XPR1: variants seen among roughly 807,000 people sequenced by gnomAD.
XPR1 encodes the protein solute carrier family 53 member 1.
In XPR1, 28 loss-of-function variants were observed where a neutral mutation model predicts 87.5. That is an observed-to-expected ratio of 0.32 (90% CI 0.24 to 0.44). The LOEUF is 0.44. Among genes scored for constraint, XPR1 ranks in the 20% least tolerant of loss-of-function variants. The pLI is 1.00. For synonymous variants in XPR1, 300 were observed against 306.1 expected, an observed-to-expected ratio of 0.98 and a Z score of 0.21; for missense variants, 559 against 862.3, an observed-to-expected ratio of 0.65 and a Z score of 4.41.
At chr1:180,741,069 C>G (rs1471118281) in intron 2 of XPR1, among the ~76,000 whole-genome samples, 2 of 152,338 alleles carry the variant, frequency 1.3e-5, no homozygotes, top group Admixed American at 1.3e-4. Context: ...CACATTCAAT[C>G]TATAATACCT....
chr1:180,803,373 T>G lies in XPR1; in HGVS notation c.224-15T>G, dbSNP rs760331751. The G allele has an allele frequency of 6.2e-7, 1 of 1,610,986 alleles. No individual in the cohort carries two copies. The highest frequency in any genetic ancestry group is 8.5e-7 in the Non-Finnish European group (1 of 1,178,548). On this transcript the variant is annotated splice_polypyrimidine_tract_variant and intron_variant, in intron 3 of 14. Transcript: ENST00000367590. ...TTATCTTACTGATTTGACAGTTCCG[T>G]TCTATTTCTTATAGAGAAGCTCGCA...
chr1:180,851,026 C>G (rs1397945069), intron 11 of XPR1, among the ~76,000 whole-genome samples: 1 of 150,864 alleles, frequency 6.6e-6, no homozygotes, highest in Non-Finnish European at 1.5e-5. Flanking sequence ...TAGTTGTTAG[C>G]ATTTCATTTA....
intron 2 of XPR1, among the ~76,000 whole-genome samples, chr1:180,769,688 A>G (rs1330341694): frequency 6.6e-6 from 1 of 152,138 alleles, no homozygotes; most frequent in Non-Finnish European, 1.5e-5. Context: ...CTGTCAATGG[A>G]CATTTAGGTT....
chr1:180,637,047 T>C (rs1654803467), intron 1 of XPR1, among the ~76,000 whole-genome samples: 2 of 62,844 alleles, frequency 3.2e-5, no homozygotes, highest in African/African-American at 1.5e-4. Context: ...TAAGACTTCA[T>C]CTCAAAAAAA....
rs1651824806 is a variant in XPR1 at position 180,850,316 on chromosome 1, G to T, written c.1502-13392G>T. Among the ~76,000 whole-genome samples, 4 of 152,240 alleles carry T rather than the reference G, an allele frequency of 2.6e-5. No homozygotes were observed. The South Asian group carries it at 8.3e-4, about 32-fold the overall frequency. ...TGGCAGGCTGTATGAAGAAAACGTG[G>T]AAGAGATTTTGGCTTTCCTTCTCTC... On this transcript the variant is annotated intron_variant, in intron 11 of 14. Transcript: ENST00000367590.
At position 180,632,030 on chromosome 1, in the gene XPR1, G is replaced by A. The variant is rs999700564; in HGVS notation, c.-172G>A. 5.6e-6 allele frequency: 4 copies of A among 718,458 alleles called. No individual in the cohort carries two copies. The highest frequency in any genetic ancestry group is 5.2e-5 in the African/African-American group (3 of 57,246). The allele number at this position is 718,458 out of a possible 1,614,324, so 44.5% of individuals were successfully genotyped here. A position where few individuals can be genotyped will look rare whatever the true frequency, so the allele number is the denominator to read the frequency against. ...CGGGGAGGGGCGGGGCTATGGAGAG[G>A]AGGAGGAAGATGGCGGGCGGGCTGC... On this transcript the variant is annotated 5_prime_UTR_variant, in exon 1 of 15. Coordinates refer to ENST00000367590, the MANE Select transcript of XPR1 (RefSeq NM_004736.4).
chr1:180,818,334 T>A (rs1650488518), intron 7 of XPR1, among the ~76,000 whole-genome samples: 1 of 151,962 alleles, frequency 6.6e-6, no homozygotes, highest in African/African-American at 2.4e-5. Context: ...TGGGTTTTTT[T>A]TTTTTTTTTA....
chr1:180,706,654 C>T (rs191017996), intron 2 of XPR1, among the ~76,000 whole-genome samples: 33 of 152,194 alleles, frequency 2.2e-4, no homozygotes, highest in African/African-American at 7.0e-4. Context: ...CACTGTCACC[C>T]AGGCTGGAGT....
At chr1:180,706,981 T>C (rs879312183) in intron 2 of XPR1, among the ~76,000 whole-genome samples, 1 of 152,136 alleles carries the variant, frequency 6.6e-6, no homozygotes, top group Admixed American at 6.5e-5. Context: ...TAAAGTAATA[T>C]TTTGGCATAT....
At chr1:180,743,547 T>A (rs990002460) in intron 2 of XPR1, among the ~76,000 whole-genome samples, 1 of 151,964 alleles carries the variant, frequency 6.6e-6, no homozygotes, top group Non-Finnish European at 1.5e-5. Flanking sequence ...GAATAGTTCA[T>A]TATATATATA....
Position 180,873,943 on chromosome 1 carries a change from G to A in XPR1, c.1808+1G>A. 6.2e-7 allele frequency: 1 copy of A among 1,611,498 alleles called. No homozygotes were observed. Among genetic ancestry groups the A allele is most frequent in the Non-Finnish European group, 8.5e-7 (1 of 1,179,136 alleles). ...TCTTTGCCCCACTTGAGGTTTTCCG[G>A]TAAGCAAACTACTGAAAAGTTTATT... On this transcript the variant is annotated splice_donor_variant, in intron 13 of 14. Transcript: ENST00000367590. LOFTEE classifies it high-confidence loss of function.
At chr1:180,837,888 T>A (rs1651357968) in intron 11 of XPR1, among the ~76,000 whole-genome samples, 2 of 152,188 alleles carry the variant, frequency 1.3e-5, no homozygotes, top group Non-Finnish European at 2.9e-5. Flanking sequence ...ATGACTCCAT[T>A]TACTAAGTTA....
chr1:180,761,791 A>G (rs1648042367), intron 2 of XPR1, among the ~76,000 whole-genome samples: 1 of 152,212 alleles, frequency 6.6e-6, no homozygotes, highest in African/African-American at 2.4e-5. Context: ...AAAGGATTAT[A>G]AATCATGCTG....
At chr1:180,686,752 TTA>T (rs1310524879) in intron 2 of XPR1, among the ~76,000 whole-genome samples, 4 of 152,342 alleles carry the variant, frequency 2.6e-5, no homozygotes, top group African/African-American at 9.6e-5. Flanking sequence ...TGACAAGCTA[TTA>T]GAGACTTGTT....
intron 1 of XPR1, among the ~76,000 whole-genome samples, chr1:180,640,856 G>C (rs1368234257): frequency 6.6e-6 from 1 of 152,094 alleles, no homozygotes; most frequent in Non-Finnish European, 1.5e-5. Flanking sequence ...TTTGGTGTTT[G>C]GCTTCTGGAT....
chr1:180,861,312 T>G (rs948575962), intron 11 of XPR1, among the ~76,000 whole-genome samples: 2 of 151,218 alleles, frequency 1.3e-5, no homozygotes, highest in African/African-American at 4.9e-5. Flanking sequence ...GATCTTGTTT[T>G]GAAAATATGA....
At chr1:180,749,081 G>T (rs750198462) in intron 2 of XPR1, among the ~76,000 whole-genome samples, 1 of 152,182 alleles carries the variant, frequency 6.6e-6, no homozygotes, top group Non-Finnish European at 1.5e-5. Context: ...CACACCTCTA[G>T]TCCCAGTTAC....
chr1:180,677,415 G>T (rs1656403360), intron 1 of XPR1, among the ~76,000 whole-genome samples: 1 of 152,126 alleles, frequency 6.6e-6, no homozygotes, highest in Non-Finnish European at 1.5e-5. Flanking sequence ...AGTGCTGATT[G>T]GTTGGGTTGG....
chr1:180,875,272 G>A (rs762169013), intron 13 of XPR1, among the ~76,000 whole-genome samples: 2 of 152,136 alleles, frequency 1.3e-5, no homozygotes, highest in African/African-American at 2.4e-5. Flanking sequence ...CATTTTGGAA[G>A]GCCAAAGTGG....
Sources: allele counts gnomAD v4.1 joint callset (sites outside exome capture counted in the v4.1 genomes callset), GRCh38; gene constraint gnomAD v4.1.1; transcripts MANE v1.5; gene names NCBI Gene and HGNC (gene_info 2026-07-23, HGNC 2026-07-21).